The following RBFOX1 variants were observed in gnomAD, a reference collection of about 807,000 sequenced individuals.
RBFOX1 encodes the protein RNA binding protein fox-1 homolog 1.
In RBFOX1, 8 loss-of-function variants were observed where a neutral mutation model predicts 57.7. The observed-to-expected ratio is 0.14, with a 90% CI of 0.08 to 0.25. RBFOX1 has a LOEUF of 0.25. RBFOX1 is among the 10% of genes least tolerant of loss of function. The pLI is 1.00. For synonymous variants in RBFOX1, 326 were observed against 222.4 expected (o/e 1.47, Z -4.15); for missense variants, 611 against 548.5 (o/e 1.11, Z -1.14).
At chr16:7,076,105 G>A (rs1598808639) in intron 4 of RBFOX1, among the ~76,000 whole-genome samples, 2 of 150,196 alleles carry the variant, frequency 1.3e-5, no homozygotes, top group Non-Finnish European at 2.9e-5. Context: ...GCCATGGCGC[G>A]ATCTCGGCTC....
chr16:7,195,074 T>C (rs1442685499), intron 4 of RBFOX1, among the ~76,000 whole-genome samples: 2 of 152,148 alleles, frequency 1.3e-5, no homozygotes, highest in East Asian at 3.9e-4. Flanking sequence ...AATTATACTC[T>C]CTGAATTTTA....
intron 1 of RBFOX1, among the ~76,000 whole-genome samples, chr16:6,235,684 G>A (rs2097500736): frequency 6.6e-6 from 1 of 151,600 alleles, no homozygotes; most frequent in Non-Finnish European, 1.5e-5. Flanking sequence ...GCCATAAAAA[G>A]GAATGAATTA....
In RBFOX1 at chr16:5,363,031, CTTTTTTTTTT is replaced by C. The variant is rs35426149; in HGVS notation, c.220-104174_220-104165del. 9.4e-5 allele frequency among the ~76,000 whole-genome samples: 9 copies of C among 95,404 alleles called. 1 individual carries two copies. Among genetic ancestry groups the C allele is most frequent in the Non-Finnish European group, 1.4e-4 (7 of 49,602 alleles). 62.6% of individuals were successfully genotyped at this position (95,404 alleles called of 152,430 possible). On this transcript the variant is annotated intron_variant, in intron 1 of 2. Transcript: ENST00000585867. ...TCTCTTTGAGATGATGATTTTAATT[CTTTTTTTTTT>C]TTTTTTTTTTGAGATGGAGTATCTC...
intron 2 of RBFOX1, among the ~76,000 whole-genome samples, chr16:6,402,112 T>G (rs2093095888): frequency 6.6e-6 from 1 of 150,794 alleles, no homozygotes; most frequent in Non-Finnish European, 1.5e-5. Context: ...AAAAAAAGCA[T>G]TTTCTTGTGA....
At chr16:7,547,657 T>A (rs17144083) in intron 5 of RBFOX1, among the ~76,000 whole-genome samples, 13,627 of 152,302 alleles carry the variant, frequency 0.089, 825 homozygotes, top group African/African-American at 0.17. Context: ...AAAAGGCATG[T>A]GCATTTGCAA....
At chr16:6,637,751 C>G (rs780790723) in intron 2 of RBFOX1, among the ~76,000 whole-genome samples, 7 of 151,626 alleles carry the variant, frequency 4.6e-5, no homozygotes, top group Non-Finnish European at 7.4e-5. Flanking sequence ...ACATCTACAT[C>G]TCTTCAAGAA....
chr16:5,804,092 G>A (rs187553163), intron 3 of RBFOX1, among the ~76,000 whole-genome samples: 18 of 152,296 alleles, frequency 1.2e-4, no homozygotes, highest in Non-Finnish European at 2.9e-5. Flanking sequence ...GTACATGTCT[G>A]CCTCCCTCTC....
chr16:6,437,576 A>C (rs1248309918), intron 2 of RBFOX1, among the ~76,000 whole-genome samples: 1 of 152,150 alleles, frequency 6.6e-6, no homozygotes, highest in Non-Finnish European at 1.5e-5. Context: ...GTATTAGTCC[A>C]TTGCTACACT....
chr16:7,349,739 A>G (rs911375443), intron 4 of RBFOX1, among the ~76,000 whole-genome samples: 2 of 152,166 alleles, frequency 1.3e-5, no homozygotes, highest in African/African-American at 4.8e-5. Context: ...AGTGTGTGCT[A>G]GACAATACAG....
chr16:5,386,495 C>CT (rs761962400), intron 1 of RBFOX1, among the ~76,000 whole-genome samples: 2 of 152,134 alleles, frequency 1.3e-5, no homozygotes, highest in African/African-American at 2.4e-5. Flanking sequence ...ATATTTTCTG[C>CT]TTTCCCCCCG....
chr16:7,344,048 G>C (rs1320559081), intron 4 of RBFOX1, among the ~76,000 whole-genome samples: 2 of 150,986 alleles, frequency 1.3e-5, no homozygotes, highest in Non-Finnish European at 2.9e-5. Context: ...CCTTCTACTG[G>C]CTAAGAGTAT....
At chr16:7,673,847 G>A (rs1484294810) in intron 13 of RBFOX1, among the ~76,000 whole-genome samples, 3 of 152,150 alleles carry the variant, frequency 2.0e-5, no homozygotes, top group Non-Finnish European at 4.4e-5. Flanking sequence ...GTTTGGTGGT[G>A]GGAAAAATTT....
At chr16:6,022,798 A>G (rs924696115) in intron 1 of RBFOX1, among the ~76,000 whole-genome samples, 3 of 152,270 alleles carry the variant, frequency 2.0e-5, no homozygotes, top group Non-Finnish European at 2.9e-5. Context: ...ACATTTGCCC[A>G]TAAATGAACT....
chr16:6,652,211 G>C (rs1431761328), intron 2 of RBFOX1, among the ~76,000 whole-genome samples: 4 of 152,174 alleles, frequency 2.6e-5, no homozygotes, highest in Non-Finnish European at 5.9e-5. Context: ...AGCACTTTGG[G>C]AGGGCGAGGC....
At chr16:6,542,927 CAGTT>C (rs761416651) in intron 2 of RBFOX1, among the ~76,000 whole-genome samples, 34 of 152,162 alleles carry the variant, frequency 2.2e-4, no homozygotes, top group Middle Eastern at 3.4e-3. Flanking sequence ...TGCTGAGTCA[CAGTT>C]AGAAGGGGCG....
At chr16:7,147,533 A>G (rs561507394) in intron 4 of RBFOX1, among the ~76,000 whole-genome samples, 2 of 152,140 alleles carry the variant, frequency 1.3e-5, no homozygotes, top group East Asian at 3.9e-4. Context: ...TGTGTACTCA[A>G]TGGTTAGCTC....
intron 3 of RBFOX1, among the ~76,000 whole-genome samples, chr16:5,643,789 C>A (rs539144408): frequency 9.5e-4 from 144 of 152,322 alleles, no homozygotes; most frequent in African/African-American, 3.3e-3. Context: ...TTTCCATCCA[C>A]TACTGTCCCC....
intron 3 of RBFOX1, among the ~76,000 whole-genome samples, chr16:6,749,804 C>T (rs543350676): frequency 3.3e-5 from 5 of 152,258 alleles, no homozygotes; most frequent in South Asian, 2.1e-4. Context: ...CTGAAGAATG[C>T]GATGTAAAAT....
chr16:6,739,009 A>T (rs549514548), intron 3 of RBFOX1, among the ~76,000 whole-genome samples: 21 of 152,298 alleles, frequency 1.4e-4, no homozygotes, highest in Non-Finnish European at 2.8e-4. Flanking sequence ...GGAAATGTAT[A>T]CCCCTAAATG....
Sources: allele counts gnomAD v4.1 joint callset (sites outside exome capture counted in the v4.1 genomes callset), GRCh38; gene constraint gnomAD v4.1.1; transcripts MANE v1.5; gene names NCBI Gene and HGNC (gene_info 2026-07-23, HGNC 2026-07-21).